Variants in KALRN observed in about 807,000 individuals in gnomAD.
KALRN encodes the protein kalirin RhoGEF kinase.
A neutral mutation model predicts 353.7 loss-of-function variants in KALRN; 70 were observed. The observed-to-expected ratio is 0.20, with a 90% CI of 0.16 to 0.24. The LOEUF (loss-of-function observed/expected upper bound fraction) is 0.24, where lower values mean the gene tolerates loss of function less well. Ranked by LOEUF, KALRN falls within the 10% of genes least tolerant of loss-of-function variation. The pLI, the probability that KALRN is intolerant of heterozygous loss-of-function variation, is 1.00. For synonymous variants in KALRN, 1,391 were observed against 1,434.8 expected (o/e 0.97, Z 0.69); for missense variants, 2,791 against 3,756.7 (o/e 0.74, Z 6.72).
At chr3:124,119,355 G>A (rs1348300448) in intron 1 of KALRN, among the ~76,000 whole-genome samples, 1 of 152,146 alleles carries the variant, frequency 6.6e-6, no homozygotes, top group Non-Finnish European at 1.5e-5. Context: ...ACTGATAAAT[G>A]GACAGAAGTT....
chr3:124,250,202 G>C (rs904275787), intron 3 of KALRN, among the ~76,000 whole-genome samples: 2 of 152,318 alleles, frequency 1.3e-5, no homozygotes, highest in East Asian at 3.9e-4. Flanking sequence ...GGGAAGGAGA[G>C]GAGGTGTGTG....
At chr3:124,366,511 A>G (rs556117783) in intron 10 of KALRN, among the ~76,000 whole-genome samples, 2,083 of 148,148 alleles carry the variant, frequency 0.014, 45 homozygotes, top group African/African-American at 0.049. Flanking sequence ...CAGAGAGCAC[A>G]GGGTTGGGGG....
intron 32 of KALRN, among the ~76,000 whole-genome samples, chr3:124,495,179 C>T (rs2063571361): frequency 6.6e-6 from 1 of 152,142 alleles, no homozygotes; most frequent in Non-Finnish European, 1.5e-5. Flanking sequence ...TTAGCTGACA[C>T]ACAGAAGCAC....
chr3:124,539,890 G>A (rs2068846841), intron 33 of KALRN, among the ~76,000 whole-genome samples: 1 of 149,196 alleles, frequency 6.7e-6, no homozygotes, highest in South Asian at 2.2e-4. Flanking sequence ...TGGGATTATA[G>A]GCATGCATCA....
At chr3:124,249,823 C>T (rs1321821283) in intron 3 of KALRN, among the ~76,000 whole-genome samples, 1 of 152,208 alleles carries the variant, frequency 6.6e-6, no homozygotes, top group East Asian at 1.9e-4. Context: ...TCACCTCCCA[C>T]AGGGCTCCCC....
chr3:124,383,570 T>C (rs542112708), intron 10 of KALRN, among the ~76,000 whole-genome samples: 4 of 152,220 alleles, frequency 2.6e-5, no homozygotes, highest in Non-Finnish European at 5.9e-5. Flanking sequence ...CATGTCTGTC[T>C]CTTCACATGG....
Position 124,456,595 on chromosome 3 carries a change from TC to T in KALRN, c.3736-12del. The T allele has an allele frequency of 3.2e-6, 5 of 1,584,286 alleles. No homozygotes were observed. Among genetic ancestry groups the T allele is most frequent in the Non-Finnish European group, 4.3e-6 (5 of 1,155,162 alleles). ...AAGCATCACAAGGTGACCTTTGTGA[TC>T]CCTCCATGTGCAGGATAATAAGGAC... On this transcript the variant is annotated splice_polypyrimidine_tract_variant and intron_variant, in intron 22 of 59. Transcript: ENST00000682506.
Position 124,048,575 on chromosome 3 carries a change from G to A in KALRN, c.73+14762G>A, listed in dbSNP as rs943404518. 7.3e-5 allele frequency among the ~76,000 whole-genome samples: 11 copies of A among 151,694 alleles called. No homozygotes were observed. In the East Asian group the frequency reaches 1.6e-3, roughly 22 times the overall value. On this transcript the variant is annotated intron_variant, in intron 1 of 59. Coordinates refer to ENST00000682506, the MANE Select transcript of KALRN (RefSeq NM_001388419.1). ...CGGCTCACTGCAAGCTCCGCCTCCC[G>A]GGTTCACACCATTCTCCTGCCTCAG...
Position 124,666,463 on chromosome 3 carries a change from T to G in KALRN, c.6360T>G (p.Ala2120=). Residue 2120 remains alanine (A), a synonymous_variant, in exon 46 of 60, where the codon GCT becomes GCG. Transcript: ENST00000682506. ...CTTTCCTTCAGGGCACTCTGACTGCTCAGGGGAAGCTGCTGCAGCAGGACA... is the reference window on the plus strand; with the variant it reads ...CTTTCCTTCAGGGCACTCTGACTGCGCAGGGGAAGCTGCTGCAGCAGGACA... The part of the protein sequence containing the change: ...RLQGFEGTLT[A]QGKLLQQDTF... The G allele has an allele frequency of 6.2e-7, 1 of 1,613,954 alleles. No individual in the cohort carries two copies. The highest frequency in any genetic ancestry group is 1.1e-5 in the South Asian group (1 of 91,068).
chr3:124,178,257 CA>C (rs2073062582), intron 1 of KALRN, among the ~76,000 whole-genome samples: 1 of 152,182 alleles, frequency 6.6e-6, no homozygotes, highest in Non-Finnish European at 1.5e-5. Flanking sequence ...CCAAACCCTA[CA>C]TATACTGTTT....
At chr3:124,145,343 C>G (rs1007966985) in intron 1 of KALRN, among the ~76,000 whole-genome samples, 1 of 152,182 alleles carries the variant, frequency 6.6e-6, no homozygotes, top group Admixed American at 6.5e-5. Context: ...TTGGAATTGC[C>G]TATGGAACCT....
At chr3:124,672,848 A>T (rs1216253083) in intron 48 of KALRN, among the ~76,000 whole-genome samples, 1 of 152,008 alleles carries the variant, frequency 6.6e-6, no homozygotes, top group Non-Finnish European at 1.5e-5. Context: ...TTTCTCTAGA[A>T]CTCAGTGGCT....
intron 34 of KALRN, among the ~76,000 whole-genome samples, chr3:124,603,452 G>A (rs947546108): frequency 6.6e-6 from 1 of 151,990 alleles, no homozygotes; most frequent in South Asian, 2.1e-4. Flanking sequence ...TTTACCTCCC[G>A]GAGCCCACCT....
intron 6 of KALRN, among the ~76,000 whole-genome samples, chr3:124,300,064 A>G (rs2149222482): frequency 6.6e-6 from 1 of 152,304 alleles, no homozygotes; most frequent in East Asian, 1.9e-4. Context: ...AAACAGAAAC[A>G]AGGTGAATCA....
chr3:124,372,601 CT>C (rs1370805118), intron 10 of KALRN, among the ~76,000 whole-genome samples: 1 of 96,780 alleles, frequency 1.0e-5, no homozygotes, highest in African/African-American at 3.6e-5. Flanking sequence ...ACATTAAGAA[CT>C]TTTTTATTAT....
intron 1 of KALRN, among the ~76,000 whole-genome samples, chr3:124,121,048 C>A: frequency 8.1e-6 from 1 of 123,828 alleles, no homozygotes; most frequent in Non-Finnish European, 1.6e-5. Context: ...GAGCCAAGAT[C>A]ATGCCACTGC....
intron 13 of KALRN, among the ~76,000 whole-genome samples, chr3:124,399,988 G>A (rs1576597552): frequency 6.6e-6 from 1 of 152,128 alleles, no homozygotes; most frequent in East Asian, 1.9e-4. Context: ...CTCCTGGCTG[G>A]TATGGTAGGG....
At chr3:124,401,711 A>G (rs374395469) in intron 13 of KALRN, among the ~76,000 whole-genome samples, 28 of 152,188 alleles carry the variant, frequency 1.8e-4, no homozygotes, top group African/African-American at 5.5e-4. Flanking sequence ...GGATTTTACA[A>G]GGGGTCTTAT....
At chr3:124,126,634 A>C (rs1440252049) in intron 1 of KALRN, among the ~76,000 whole-genome samples, 1 of 152,232 alleles carries the variant, frequency 6.6e-6, no homozygotes, top group African/African-American at 2.4e-5. Flanking sequence ...TTACACAGTC[A>C]CAAGTTTGGA....
Sources: allele counts gnomAD v4.1 joint callset (sites outside exome capture counted in the v4.1 genomes callset), GRCh38; gene constraint gnomAD v4.1.1; transcripts MANE v1.5; gene names NCBI Gene and HGNC (gene_info 2026-07-23, HGNC 2026-07-21).